TDRD5: variants seen among roughly 807,000 people sequenced by gnomAD.
The protein encoded by TDRD5 is tudor domain-containing protein 5.
TDRD5 carries 41 observed loss-of-function variants against 120.6 expected under a neutral mutation model. The ratio of observed to expected loss-of-function variants is 0.34; its 90% CI spans 0.26 to 0.44. The LOEUF (loss-of-function observed/expected upper bound fraction) is 0.44, where lower values mean the gene tolerates loss of function less well. Ranked by LOEUF, TDRD5 falls within the 20% of genes least tolerant of loss-of-function variation. The pLI is 1.00. For synonymous variants in TDRD5, 430 were observed against 433.7 expected (o/e 0.99, Z 0.11); for missense variants, 1,006 against 1,221.2 (o/e 0.82, Z 2.63).
chr1:179,629,501 C>CA (rs1677317597), intron 6 of TDRD5, among the ~76,000 whole-genome samples: 2 of 152,164 alleles, frequency 1.3e-5, no homozygotes, highest in African/African-American at 4.8e-5. Flanking sequence ...CACTCAACAA[C>CA]AAAAAAGTCT....
intron 17 of TDRD5, among the ~76,000 whole-genome samples, chr1:179,675,273 A>ATTATTATTTTT (rs1444171268): frequency 6.0e-5 from 4 of 66,620 alleles, no homozygotes; most frequent in Admixed American, 1.8e-4. Flanking sequence ...TATTATTATT[A>ATTATTATTTTT]TTTTTTTTTT....
chr1:179,663,274 C>T, intron 15 of TDRD5, 74 bp from the exon 16 acceptor site: 3 of 1,489,462 alleles, frequency 2.0e-6, no homozygotes, highest in Non-Finnish European at 2.7e-6. Flanking sequence ...TTGCATTTAT[C>T]TTGCCCAAGT....
intron 14 of TDRD5, among the ~76,000 whole-genome samples, chr1:179,657,204 T>C (rs1194961651): frequency 2.0e-5 from 3 of 152,216 alleles, no homozygotes; most frequent in African/African-American, 7.2e-5. Context: ...TTGTGTTATA[T>C]ATATAGATAA....
chr1:179,616,204 C>T (rs867120759), intron 4 of TDRD5, among the ~76,000 whole-genome samples: 5 of 152,112 alleles, frequency 3.3e-5, no homozygotes, highest in Non-Finnish European at 7.4e-5. Flanking sequence ...ATTTACCTCC[C>T]AGTTTTCCAA....
At chr1:179,663,204 G>A (rs1449834973) in intron 15 of TDRD5, 144 bp from the exon 16 acceptor site, 2 of 915,792 alleles carry the variant, frequency 2.2e-6, no homozygotes, top group Non-Finnish European at 3.1e-6. Flanking sequence ...AAGCAAGGAG[G>A]AAAGTCAAAC....
At chr1:179,625,094 A>G (rs1316934971) in intron 6 of TDRD5, among the ~76,000 whole-genome samples, 5 of 150,352 alleles carry the variant, frequency 3.3e-5, no homozygotes, top group African/African-American at 9.8e-5. Flanking sequence ...TCAACAAATG[A>G]TGCTGGAACA....
intron 16 of TDRD5, among the ~76,000 whole-genome samples, chr1:179,665,948 G>A (rs1679535008): frequency 6.6e-6 from 1 of 152,082 alleles, no homozygotes. Flanking sequence ...CTACTGGAGT[G>A]TTCTCATAAG....
In TDRD5 at chr1:179,662,150, G is replaced by GTGA. The variant is rs1369716298; in HGVS notation, c.2374_2376dup (p.Asp792dup). On this transcript the variant is annotated inframe_insertion, in exon 15 of 18. Coordinates refer to ENST00000444136, the MANE Select transcript of TDRD5 (RefSeq NM_001199085.3). ...CCATGCCTGGAGTCAGTGACCATAGGTGATGATATTTGGGATGAGAACTGG... is the reference window on the plus strand; with the variant it reads ...CCATGCCTGGAGTCAGTGACCATAGGTGATGATGATATTTGGGATGAGAACTGG... The GTGA allele has an allele frequency of 6.2e-7, 1 of 1,608,798 alleles. No individual in the cohort carries two copies. Among genetic ancestry groups the GTGA allele is most frequent in the Non-Finnish European group, 8.5e-7 (1 of 1,178,046 alleles).
intron 11 of TDRD5, among the ~76,000 whole-genome samples, chr1:179,643,019 G>C (rs997581454): frequency 3.3e-5 from 5 of 152,170 alleles, no homozygotes; most frequent in African/African-American, 1.2e-4. Context: ...TGAAGGTAGG[G>C]AACCACAGAA....
chr1:179,594,077 C>T (rs1450262221), intron 3 of TDRD5, among the ~76,000 whole-genome samples: 1 of 152,098 alleles, frequency 6.6e-6, no homozygotes, highest in Non-Finnish European at 1.5e-5. Context: ...TGTTGAGGAC[C>T]TTACATGAGG....
At chr1:179,645,908 C>T (rs1035118242) in intron 11 of TDRD5, among the ~76,000 whole-genome samples, 22 of 151,816 alleles carry the variant, frequency 1.4e-4, no homozygotes, top group African/African-American at 4.8e-4. Context: ...TATTTAATAT[C>T]CTGGTGTGTT....
rs766562921 is a variant in TDRD5 at position 179,630,913 on chromosome 1, A to G, written c.1119A>G (p.Leu373=). ...TGTTTGATGCGGATAAGAAGCCTCT[A>G]CCACCTGGTGAGTGGAACCACAGTA... ...LLVFDADKKP[L]PPVQSDKKIE... Residue 373 remains leucine, a synonymous_variant, in exon 7 of 18, where the codon CTA becomes CTG. Coordinates refer to ENST00000444136, the MANE Select transcript of TDRD5 (RefSeq NM_001199085.3). The G allele has an allele frequency of 3.2e-5, 51 of 1,612,526 alleles. No individual in the cohort carries two copies. The highest frequency in any genetic ancestry group is 4.2e-5 in the Non-Finnish European group (50 of 1,179,440).
intron 17 of TDRD5, among the ~76,000 whole-genome samples, chr1:179,684,862 A>G (rs1680615253): frequency 6.6e-6 from 1 of 152,240 alleles, no homozygotes; most frequent in African/African-American, 2.4e-5. Flanking sequence ...AGAAGTGTCT[A>G]TTCATATGCT....
intron 17 of TDRD5, among the ~76,000 whole-genome samples, chr1:179,688,681 C>G (rs941952067): frequency 6.6e-6 from 1 of 152,200 alleles, no homozygotes; most frequent in African/African-American, 2.4e-5. Context: ...TTCAGGTACA[C>G]CAATCAGACG....
intron 16 of TDRD5, among the ~76,000 whole-genome samples, chr1:179,668,821 C>A (rs1279757999): frequency 1.4e-5 from 2 of 146,184 alleles, no homozygotes; most frequent in African/African-American, 5.0e-5. Context: ...CGGCTCACTG[C>A]AACCTGCGCC....
intron 4 of TDRD5, among the ~76,000 whole-genome samples, chr1:179,599,286 T>G (rs1675568684): frequency 6.6e-6 from 1 of 152,142 alleles, no homozygotes; most frequent in Non-Finnish European, 1.5e-5. Context: ...AGATATATTC[T>G]GTAGTTTTCT....
At chr1:179,627,717 A>G (rs1677204945) in intron 6 of TDRD5, among the ~76,000 whole-genome samples, 1 of 152,206 alleles carries the variant, frequency 6.6e-6, no homozygotes, top group Non-Finnish European at 1.5e-5. Flanking sequence ...CCTATCAAAT[A>G]TATTTAATTC....
At chr1:179,649,341 C>CT (rs921920790) in intron 11 of TDRD5, among the ~76,000 whole-genome samples, 31 of 152,000 alleles carry the variant, frequency 2.0e-4, no homozygotes, top group African/African-American at 7.0e-4. Context: ...ATCTCTGCTG[C>CT]TTTTTTTCTG....
At position 179,673,674 on chromosome 1, in the gene TDRD5, G is replaced by T. The variant is rs1055959837; in HGVS notation, c.2860+4270G>T. On this transcript the variant is annotated intron_variant, in intron 17 of 17. Coordinates refer to ENST00000444136, the MANE Select transcript of TDRD5 (RefSeq NM_001199085.3). Reference sequence around the variant, plus strand: ...AATGGTTACATTCTTTTGAGTTTCTGATTAGCCTTTCCAAAGGAGGCAAAT... The same window carrying T: ...AATGGTTACATTCTTTTGAGTTTCTTATTAGCCTTTCCAAAGGAGGCAAAT... Among the ~76,000 whole-genome samples the T allele has an allele frequency of 2.0e-5, 3 of 152,150 alleles. No homozygotes were observed. The East Asian group carries it at 5.8e-4, about 29-fold the overall frequency.
Sources: allele counts gnomAD v4.1 joint callset (sites outside exome capture counted in the v4.1 genomes callset), GRCh38; gene constraint gnomAD v4.1.1; transcripts MANE v1.5; gene names NCBI Gene and HGNC (gene_info 2026-07-23, HGNC 2026-07-21).